The following RERG variants were observed in gnomAD, a reference collection of about 807,000 sequenced individuals.
The protein encoded by RERG is RAS like estrogen regulated growth inhibitor, also known as ras-related and estrogen-regulated growth inhibitor.
RERG carries 25 observed loss-of-function variants against 23.2 expected under a neutral mutation model. That is an observed-to-expected ratio of 1.08 (90% CI 0.79 to 1.50). The LOEUF is 1.50. RERG is among the 40% of genes most tolerant of loss of function. The probability of loss-of-function intolerance (pLI) is 0.00; values close to 1 mark genes in which losing one functional copy is unlikely to be tolerated. For synonymous variants in RERG, 81 were observed against 89.1 expected, an observed-to-expected ratio of 0.91 and a Z score of 0.51; for missense variants, 253 against 250.1, an observed-to-expected ratio of 1.01 and a Z score of -0.08.
At chr12:15,146,357 T>C (rs1259543051) in intron 2 of RERG, among the ~76,000 whole-genome samples, 1 of 152,242 alleles carries the variant, frequency 6.6e-6, no homozygotes, top group East Asian at 1.9e-4. Context: ...TCCTGGCTGG[T>C]CTGGGATAGC....
chr12:15,210,777 T>C (rs1865356403), intron 2 of RERG, among the ~76,000 whole-genome samples: 1 of 152,182 alleles, frequency 6.6e-6, no homozygotes, highest in African/African-American at 2.4e-5. Flanking sequence ...TACAATGGAC[T>C]CATCTAGGCT....
chr12:15,115,020 C>G (rs190454664), intron 3 of RERG, among the ~76,000 whole-genome samples: 8 of 151,884 alleles, frequency 5.3e-5, no homozygotes, highest in African/African-American at 1.9e-4. Flanking sequence ...TAAAGAATAC[C>G]GTGTAGAAGA....
chr12:15,110,223 G>A (rs901472383), intron 4 of RERG, among the ~76,000 whole-genome samples: 4 of 151,998 alleles, frequency 2.6e-5, no homozygotes, highest in South Asian at 2.1e-4. Context: ...TTGCTTTCCC[G>A]GGTTCAAATG....
intron 3 of RERG, among the ~76,000 whole-genome samples, chr12:15,114,115 A>C (rs1863674804): frequency 6.6e-6 from 1 of 152,104 alleles, no homozygotes; most frequent in Non-Finnish European, 1.5e-5. Flanking sequence ...TTGGGCTTCT[A>C]GGGCATATAT....
intron 1 of RERG, among the ~76,000 whole-genome samples, chr12:15,218,987 C>T (rs1591675411): frequency 6.6e-6 from 1 of 152,144 alleles, no homozygotes; most frequent in East Asian, 1.9e-4. Context: ...CATGGTTATA[C>T]TGTAGCACAG....
intron 3 of RERG, among the ~76,000 whole-genome samples, chr12:15,114,867 A>G (rs966913377): frequency 1.3e-5 from 2 of 152,184 alleles, no homozygotes; most frequent in African/African-American, 4.8e-5. Context: ...TGTTCTCACA[A>G]GTCCCCCAGG....
chr12:15,111,113 G>A (rs1863605180), intron 4 of RERG: 1 of 372,518 alleles, frequency 2.7e-6, no homozygotes, highest in African/African-American at 2.1e-5. Flanking sequence ...TAGATGATAT[G>A]TGAATATTAT....
rs71042228 is a variant in RERG, at chr12:15,126,724, C to CTTT, written c.62-5608_62-5606dup. ...ATAGCATTTCTTTTTCTTTTTCTTT[C>CTTT]TTTTTTTTTTTTTTTTGAGACAGAG... On this transcript the variant is annotated intron_variant, in intron 2 of 4. Coordinates refer to ENST00000256953, the MANE Select transcript of RERG (RefSeq NM_032918.3). Among the ~76,000 whole-genome samples, 179 of 132,448 alleles carry CTTT rather than the reference C, an allele frequency of 1.4e-3. 3 individuals are homozygous for CTTT. The highest frequency in any genetic ancestry group is 0.013 in the Middle Eastern group (3 of 232). 86.9% of individuals were successfully genotyped at this position (132,448 alleles called of 152,430 possible).
intron 2 of RERG, among the ~76,000 whole-genome samples, chr12:15,121,806 A>C (rs1863837024): frequency 6.6e-6 from 1 of 152,174 alleles, no homozygotes; most frequent in Admixed American, 6.5e-5. Flanking sequence ...AAGCTTATCT[A>C]GTTAGTTAGT....
At chr12:15,161,190 G>GAAAGAAAGAAAGAAAGA (rs1864605455) in intron 2 of RERG, among the ~76,000 whole-genome samples, 4 of 145,442 alleles carry the variant, frequency 2.8e-5, no homozygotes, top group Non-Finnish European at 6.1e-5. Flanking sequence ...AAGAAAGAAA[G>GAAAGAAAGAAAGAAAGA]AAAGAAAGAA....
At chr12:15,142,216 G>C (rs768535562) in intron 2 of RERG, among the ~76,000 whole-genome samples, 4 of 152,078 alleles carry the variant, frequency 2.6e-5, no homozygotes, top group Non-Finnish European at 4.4e-5. Flanking sequence ...AATAATCCAA[G>C]AGTCATTACC....
At chr12:15,139,928 C>T (rs532778520) in intron 2 of RERG, among the ~76,000 whole-genome samples, 1 of 152,284 alleles carries the variant, frequency 6.6e-6, no homozygotes, top group East Asian at 1.9e-4. Flanking sequence ...TTTCACCCCT[C>T]AAGTATACTA....
In RERG at chr12:15,140,861, A is replaced by G. The variant is rs980072553; in HGVS notation, c.62-19742T>C. On this transcript the variant is annotated intron_variant, in intron 2 of 4. Coordinates refer to ENST00000256953, the MANE Select transcript of RERG (RefSeq NM_032918.3). The stretch of plus-strand genomic sequence containing the variant: ...TCTTTGTTTTGTTTTGGAGTTTTCT[A>G]TGATTTTCCTATGTGTACGTGTAGC... Among the ~76,000 whole-genome samples the G allele has an allele frequency of 2.0e-5, 3 of 152,112 alleles. No homozygotes were observed. The East Asian group carries it at 5.8e-4, about 29-fold the overall frequency.
chr12:15,214,047 TGG>T (rs1865408806), intron 2 of RERG, among the ~76,000 whole-genome samples: 1 of 149,054 alleles, frequency 6.7e-6, no homozygotes, highest in Non-Finnish European at 1.5e-5. Flanking sequence ...TGCGCGTGTG[TGG>T]AGTTTTTACC....
intron 2 of RERG, among the ~76,000 whole-genome samples, chr12:15,205,763 G>A (rs1403278526): frequency 1.3e-5 from 2 of 152,022 alleles, no homozygotes; most frequent in Non-Finnish European, 2.9e-5. Context: ...TTAAAAAACA[G>A]GAAATGCATC....
chr12:15,193,205 A>T (rs1470857620), intron 2 of RERG, among the ~76,000 whole-genome samples: 1 of 152,058 alleles, frequency 6.6e-6, no homozygotes, highest in Non-Finnish European at 1.5e-5. Context: ...TGTTCTAAGG[A>T]TGACTTGCTG....
At chr12:15,192,963 G>T (rs1014988257) in intron 2 of RERG, among the ~76,000 whole-genome samples, 1 of 152,056 alleles carries the variant, frequency 6.6e-6, no homozygotes, top group African/African-American at 2.4e-5. Flanking sequence ...CTAACCTTTA[G>T]TATTGCTTAA....
Position 15,109,282 on chromosome 12 carries a change from G to C in RERG, c.428C>G (p.Ala143Gly), listed in dbSNP as rs1001018318. Residue 143 changes from alanine (A) to glycine (G), a missense_variant, in exon 5 of 5, where the codon GCT (alanine) becomes GGT (glycine). By Grantham distance (60) the Ala-to-Gly change is moderately conservative. Transcript: ENST00000256953. ...AGTGCAGGCAGAGCACTCGTAAAAA[G>C]CACAAGCCAATTCTGTGGCCAGCTT... ...GEKLATELAC[A>G]FYECSACTGE... is the part of the protein sequence containing the mutation. 6.2e-7 allele frequency: 1 copy of C among 1,614,144 alleles called. No homozygotes were observed. Among genetic ancestry groups the C allele is most frequent in the Admixed American group, 1.7e-5 (1 of 60,026 alleles).
At chr12:15,179,729 GTGA>G (rs1225567164) in intron 2 of RERG, among the ~76,000 whole-genome samples, 2 of 152,150 alleles carry the variant, frequency 1.3e-5, no homozygotes, top group African/African-American at 4.8e-5. Flanking sequence ...CCACAACAGA[GTGA>G]TTCACTGTTT....
Sources: allele counts gnomAD v4.1 joint callset (sites outside exome capture counted in the v4.1 genomes callset), GRCh38; gene constraint gnomAD v4.1.1; transcripts MANE v1.5; gene names NCBI Gene and HGNC (gene_info 2026-07-23, HGNC 2026-07-21).